CYYR1: variants seen among roughly 807,000 people sequenced by gnomAD.
The protein encoded by CYYR1 is cysteine and tyrosine rich 1.
CYYR1 carries 14 observed loss-of-function variants against 15.2 expected under a neutral mutation model. The ratio of observed to expected loss-of-function variants is 0.92; its 90% CI spans 0.61 to 1.44. CYYR1 has a LOEUF of 1.44. Among genes scored for constraint, CYYR1 ranks in the 40% most tolerant of loss-of-function variants. The probability of loss-of-function intolerance (pLI) is 0.00; values close to 1 mark genes in which losing one functional copy is unlikely to be tolerated. For synonymous variants in CYYR1, 80 were observed against 77.4 expected (o/e 1.03, Z -0.18); for missense variants, 228 against 209.5 (o/e 1.09, Z -0.54).
intron 2 of CYYR1, among the ~76,000 whole-genome samples, chr21:26,511,570 C>G (rs1385278011): frequency 6.6e-6 from 1 of 152,108 alleles, no homozygotes; most frequent in Non-Finnish European, 1.5e-5. Context: ...TGAAACATTC[C>G]CAAGTGCTGG....
rs1167126308 is a variant in CYYR1 at position 26,520,941 on chromosome 21, C to T, written c.177-40512G>A. Among the ~76,000 whole-genome samples, 3 of 152,138 alleles carry T rather than the reference C, an allele frequency of 2.0e-5. No homozygotes were observed. The East Asian group carries it at 5.8e-4, about 29-fold the overall frequency. ...GCAAACTGATGCAGGAACAGAAAACCAAACACTGCGCGTTCTCACTTGTAA... is the reference window on the plus strand; with the variant it reads ...GCAAACTGATGCAGGAACAGAAAACTAAACACTGCGCGTTCTCACTTGTAA... On this transcript the variant is annotated intron_variant, in intron 2 of 3. Coordinates refer to ENST00000652641, the MANE Select transcript of CYYR1 (RefSeq NM_001320768.2).
chr21:26,563,274 T>G (rs1233065963), intron 2 of CYYR1, among the ~76,000 whole-genome samples: 2 of 150,112 alleles, frequency 1.3e-5, no homozygotes, highest in Admixed American at 6.6e-5. Context: ...ATAGAAAGAA[T>G]CTAAAAAAAA....
chr21:26,505,695 A>C (rs1370548134), intron 2 of CYYR1, among the ~76,000 whole-genome samples: 1 of 152,246 alleles, frequency 6.6e-6, no homozygotes, highest in African/African-American at 2.4e-5. Flanking sequence ...GCAGTGGCAA[A>C]GCCACCTAGC....
At chr21:26,558,536 C>A (rs1189852408) in intron 2 of CYYR1, among the ~76,000 whole-genome samples, 1 of 152,074 alleles carries the variant, frequency 6.6e-6, no homozygotes, top group East Asian at 1.9e-4. Flanking sequence ...CCTAGGGTGA[C>A]CAATGTGTCT....
At chr21:26,544,748 A>C (rs1978831768) in intron 2 of CYYR1, among the ~76,000 whole-genome samples, 1 of 152,172 alleles carries the variant, frequency 6.6e-6, no homozygotes, top group Non-Finnish European at 1.5e-5. Flanking sequence ...AACAACATCT[A>C]TCTCTATATT....
chr21:26,493,548 C>T (rs1318246962), intron 2 of CYYR1, among the ~76,000 whole-genome samples: 1 of 152,124 alleles, frequency 6.6e-6, no homozygotes, highest in Non-Finnish European at 1.5e-5. Flanking sequence ...TTCCAAGTCA[C>T]CCAAAGCTAC....
Position 26,467,502 on chromosome 21 carries a change from G to A in CYYR1, c.*999C>T, listed in dbSNP as rs2064982740. 1.3e-5 allele frequency: 2 copies of A among 152,092 alleles called. No individual in the cohort carries two copies. 9.4% of individuals were successfully genotyped at this position (152,092 alleles called of 1,614,324 possible). ...CACTTTATTTTTGCGAGTCTGTTGTGTATCTTCATGGTCAAGTTCTGAGAT... is the reference window on the plus strand; with the variant it reads ...CACTTTATTTTTGCGAGTCTGTTGTATATCTTCATGGTCAAGTTCTGAGAT... On this transcript the variant is annotated 3_prime_UTR_variant, in exon 4 of 4. Coordinates refer to ENST00000652641, the MANE Select transcript of CYYR1 (RefSeq NM_001320768.2).
At chr21:26,541,906 A>T (rs1978574147) in intron 2 of CYYR1, among the ~76,000 whole-genome samples, 1 of 152,222 alleles carries the variant, frequency 6.6e-6, no homozygotes, top group Non-Finnish European at 1.5e-5. Context: ...AAAAGCCAAG[A>T]TAAATTAAAA....
chr21:26,537,846 A>G (rs1424164187), intron 2 of CYYR1, among the ~76,000 whole-genome samples: 1 of 152,116 alleles, frequency 6.6e-6, no homozygotes, highest in African/African-American at 2.4e-5. Flanking sequence ...CAACCTTATC[A>G]AAAAACTGCC....
At chr21:26,570,054 CACTTCAAAGCCTTTTTT>C (rs1980910622) in intron 1 of CYYR1, among the ~76,000 whole-genome samples, 1 of 152,190 alleles carries the variant, frequency 6.6e-6, no homozygotes, top group Admixed American at 6.5e-5. Flanking sequence ...ATTTCAACCA[CACTTCAAAGCCTTTTTT>C]ATGTTGGTTG....
At chr21:26,536,943 C>T (rs898128142) in intron 2 of CYYR1, among the ~76,000 whole-genome samples, 1 of 152,140 alleles carries the variant, frequency 6.6e-6, no homozygotes. Flanking sequence ...ATCCTGCACT[C>T]ATGGAAATTC....
At chr21:26,487,916 CAAAA>C (rs3085022) in intron 2 of CYYR1, among the ~76,000 whole-genome samples, 3 of 143,182 alleles carry the variant, frequency 2.1e-5, no homozygotes, top group Non-Finnish European at 4.5e-5. Flanking sequence ...ACATTACTTG[CAAAA>C]AAAAAAAAAA....
intron 3 of CYYR1, among the ~76,000 whole-genome samples, chr21:26,479,008 G>C (rs890766908): frequency 1.3e-5 from 2 of 152,096 alleles, no homozygotes; most frequent in Non-Finnish European, 2.9e-5. Context: ...GGATATTTAT[G>C]AGACACTCAA....
chr21:26,478,502 C>T (rs9977490), intron 3 of CYYR1, among the ~76,000 whole-genome samples: 5,692 of 152,158 alleles, frequency 0.037, 325 homozygotes, highest in African/African-American at 0.13. Flanking sequence ...GAACAGCCAA[C>T]TCATGCAGTA....
intron 2 of CYYR1, among the ~76,000 whole-genome samples, chr21:26,496,950 T>G (rs558619733): frequency 6.6e-6 from 1 of 152,268 alleles, no homozygotes; most frequent in Admixed American, 6.5e-5. Flanking sequence ...TTTTGGACCA[T>G]TAACATCTAG....
chr21:26,468,071 A>G lies in CYYR1; in HGVS notation c.*430T>C. 4.4e-6 allele frequency: 1 copy of G among 228,382 alleles called. No homozygotes were observed. The highest frequency in any genetic ancestry group is 8.7e-6 in the Non-Finnish European group (1 of 114,868). The allele number at this position is 228,382 out of a possible 1,614,324, so 14.1% of individuals were successfully genotyped here. ...CATTTATTGATGAATGAAAGAATGA[A>G]CAATTCTAGTTCTGACTTTTAAAGC... On this transcript the variant is annotated 3_prime_UTR_variant, in exon 4 of 4. Transcript: ENST00000652641.
rs561217725 is a variant in CYYR1, at chr21:26,501,920, A to T, written c.177-21491T>A. Among the ~76,000 whole-genome samples, 12 of 152,380 alleles carry T rather than the reference A, an allele frequency of 7.9e-5. No individual in the cohort carries two copies. In the South Asian group the frequency reaches 2.1e-3, roughly 26 times the overall value. On this transcript the variant is annotated intron_variant, in intron 2 of 3. Transcript: ENST00000652641. ...TATATCTTAATGAATGTGGATAAAC[A>T]CATACACCAAAGGATCTTGGCTTGC... is the stretch of plus-strand genomic sequence containing the variant.
At chr21:26,483,001 T>G (rs1038136740) in intron 2 of CYYR1, among the ~76,000 whole-genome samples, 1 of 152,028 alleles carries the variant, frequency 6.6e-6, no homozygotes, top group African/African-American at 2.4e-5. Context: ...TTCACTATTT[T>G]CTGTATTCTT....
In CYYR1 at chr21:26,558,848, G is replaced by A. The variant is rs138232067; in HGVS notation, c.176+7418C>T. The stretch of plus-strand genomic sequence containing the variant: ...ATTTTAATTGCTGTATCCTTTGCAC[G>A]AATATACTCTATCCACTTGGTCTTC... On this transcript the variant is annotated intron_variant, in intron 2 of 3. Coordinates refer to ENST00000652641, the MANE Select transcript of CYYR1 (RefSeq NM_001320768.2). 1.7e-3 allele frequency among the ~76,000 whole-genome samples: 259 copies of A among 152,188 alleles called. 1 individual carries two copies. The highest frequency in any genetic ancestry group is 5.6e-3 in the African/African-American group (233 of 41,516).
Sources: gnomAD v4.1 joint callset for allele counts (sites outside exome capture counted in the v4.1 genomes callset) on GRCh38, gnomAD v4.1.1 for gene constraint, MANE v1.5 for transcripts, NCBI Gene and HGNC (gene_info 2026-07-23, HGNC 2026-07-21) for gene names.